Variants in SH3GL2 observed in about 807,000 individuals in gnomAD.
SH3GL2 encodes SH3 domain containing GRB2 like 2, endophilin A1.
A neutral mutation model predicts 46.0 loss-of-function variants in SH3GL2; 24 were observed. The observed-to-expected ratio is 0.52, with a 90% CI of 0.38 to 0.73. The LOEUF (loss-of-function observed/expected upper bound fraction) is 0.73. SH3GL2 is among the 30% of genes least tolerant of loss of function. SH3GL2 has a pLI of 0.00. For synonymous variants in SH3GL2, 196 were observed against 147.1 expected (o/e 1.33, Z -2.40); for missense variants, 413 against 424.2 (o/e 0.97, Z 0.23).
chr9:17,708,860 G>A (rs933387337), intron 1 of SH3GL2, among the ~76,000 whole-genome samples: 14 of 151,914 alleles, frequency 9.2e-5, no homozygotes, highest in Admixed American at 2.0e-4. Flanking sequence ...TGTTACCATC[G>A]ATCTTAGATT....
chr9:17,745,796 T>G lies in SH3GL2; in HGVS notation c.46-1270T>G, dbSNP rs369445484. On this transcript the variant is annotated intron_variant, in intron 1 of 8. Transcript: ENST00000380607. ...AGGTTGTTGCTGAGCTTACTGTGGGTTGGTCATGGTAGGAATCTTCTTAAA... is the reference window on the plus strand; with the variant it reads ...AGGTTGTTGCTGAGCTTACTGTGGGGTGGTCATGGTAGGAATCTTCTTAAA... Among the ~76,000 whole-genome samples, 23 of 152,238 alleles carry G rather than the reference T, an allele frequency of 1.5e-4. No homozygotes were observed. The East Asian group carries it at 2.5e-3, about 17-fold the overall frequency.
At chr9:17,724,693 G>A (rs1159674688) in intron 1 of SH3GL2, among the ~76,000 whole-genome samples, 3 of 152,016 alleles carry the variant, frequency 2.0e-5, no homozygotes, top group East Asian at 1.9e-4. Flanking sequence ...CCTCTTCTAG[G>A]GAAAGTTTCT....
At chr9:17,656,470 C>T (rs1040854786) in intron 1 of SH3GL2, among the ~76,000 whole-genome samples, 3 of 151,726 alleles carry the variant, frequency 2.0e-5, no homozygotes, top group East Asian at 3.9e-4. Flanking sequence ...TTGCAAGTAA[C>T]GTAGATAATC....
At chr9:17,702,072 T>C (rs1257027613) in intron 1 of SH3GL2, among the ~76,000 whole-genome samples, 1 of 152,098 alleles carries the variant, frequency 6.6e-6, no homozygotes, top group Non-Finnish European at 1.5e-5. Context: ...CATAGTGTAT[T>C]ACTAGTTCAT....
chr9:17,612,368 C>A (rs900453476), intron 1 of SH3GL2, among the ~76,000 whole-genome samples: 2 of 152,118 alleles, frequency 1.3e-5, no homozygotes, highest in Admixed American at 1.3e-4. Context: ...CTGACACAAC[C>A]CTCTTAACCT....
chr9:17,674,379 G>C (rs1332481224), intron 1 of SH3GL2, among the ~76,000 whole-genome samples: 1 of 152,016 alleles, frequency 6.6e-6, no homozygotes, highest in Non-Finnish European at 1.5e-5. Context: ...CGATTCTTTT[G>C]CCTGAACCTC....
At chr9:17,663,689 T>C (rs564902482) in intron 1 of SH3GL2, among the ~76,000 whole-genome samples, 30 of 152,336 alleles carry the variant, frequency 2.0e-4, no homozygotes, top group African/African-American at 7.2e-4. Context: ...ATAAATTTAC[T>C]GAGGAACAAT....
chr9:17,659,929 G>T (rs1418352244), intron 1 of SH3GL2, among the ~76,000 whole-genome samples: 1 of 152,138 alleles, frequency 6.6e-6, no homozygotes, highest in Non-Finnish European at 1.5e-5. Context: ...TAATATCTGA[G>T]ATTACTTTCC....
At chr9:17,708,757 T>G (rs1432419081) in intron 1 of SH3GL2, among the ~76,000 whole-genome samples, 1 of 151,910 alleles carries the variant, frequency 6.6e-6, no homozygotes, top group Non-Finnish European at 1.5e-5. Context: ...TAAAGGCTGT[T>G]TGCATGGCCC....
Position 17,638,314 on chromosome 9 carries a change from CA to C in SH3GL2, c.45+59028del, listed in dbSNP as rs546192893. Among the ~76,000 whole-genome samples, 598 of 152,152 alleles carry C rather than the reference CA, an allele frequency of 3.9e-3. 2 individuals carry two copies. Among genetic ancestry groups the C allele is most frequent in the South Asian group, 6.8e-3 (33 of 4,822 alleles). ...GACATTCATTTATGTATCTATTATC[CA>C]GATATTTATTGGGTTCCTGCTGTAT... On this transcript the variant is annotated intron_variant, in intron 1 of 8. Coordinates refer to ENST00000380607, the MANE Select transcript of SH3GL2 (RefSeq NM_003026.5).
At chr9:17,622,904 A>C (rs1173601633) in intron 1 of SH3GL2, among the ~76,000 whole-genome samples, 13 of 152,086 alleles carry the variant, frequency 8.5e-5, no homozygotes, top group Admixed American at 7.2e-4. Flanking sequence ...TGCTTGCTGT[A>C]ATATGGCAGA....
intron 2 of SH3GL2, among the ~76,000 whole-genome samples, chr9:17,758,315 C>T (rs528069249): frequency 7.2e-5 from 11 of 152,182 alleles, no homozygotes; most frequent in African/African-American, 2.6e-4. Flanking sequence ...AATCCCAGCA[C>T]TTTGGAAGGC....
intron 1 of SH3GL2, among the ~76,000 whole-genome samples, chr9:17,610,125 T>C (rs1563780016): frequency 6.6e-6 from 1 of 152,230 alleles, no homozygotes; most frequent in Non-Finnish European, 1.5e-5. Flanking sequence ...TTATTCTAGC[T>C]GTGCAACTGT....
At chr9:17,725,992 C>A (rs1161867958) in intron 1 of SH3GL2, among the ~76,000 whole-genome samples, 1 of 152,066 alleles carries the variant, frequency 6.6e-6, no homozygotes, top group Admixed American at 6.6e-5. Flanking sequence ...GGTATGGGAG[C>A]AAGTCATTGC....
chr9:17,689,213 A>G (rs1239190384), intron 1 of SH3GL2, among the ~76,000 whole-genome samples: 1 of 152,084 alleles, frequency 6.6e-6, no homozygotes, highest in African/African-American at 2.4e-5. Flanking sequence ...ATCCTATAAT[A>G]TACCTGATCA....
At chr9:17,585,466 G>T (rs1202253544) in intron 1 of SH3GL2, among the ~76,000 whole-genome samples, 2 of 152,102 alleles carry the variant, frequency 1.3e-5, no homozygotes, top group Non-Finnish European at 2.9e-5. Context: ...GTGAGGTGTA[G>T]CCACAAGAGG....
chr9:17,672,003 T>C (rs1820487007), intron 1 of SH3GL2, among the ~76,000 whole-genome samples: 1 of 152,174 alleles, frequency 6.6e-6, no homozygotes, highest in Non-Finnish European at 1.5e-5. Flanking sequence ...CAGAGTAGAA[T>C]CAACTAGCAG....
intron 1 of SH3GL2, among the ~76,000 whole-genome samples, chr9:17,619,684 AAAAT>A (rs1390999909): frequency 6.6e-6 from 1 of 150,954 alleles, no homozygotes; most frequent in African/African-American, 2.5e-5. Flanking sequence ...TCTCAAAAAA[AAAAT>A]AAAATAAAAT....
chr9:17,630,456 A>G (rs906102646), intron 1 of SH3GL2: 1 of 152,226 alleles, frequency 6.6e-6, no homozygotes, highest in Non-Finnish European at 1.5e-5. Context: ...TGTGTTACAC[A>G]CAAACACACA....
Sources: allele counts gnomAD v4.1 joint callset (sites outside exome capture counted in the v4.1 genomes callset), GRCh38; gene constraint gnomAD v4.1.1; transcripts MANE v1.5; gene names NCBI Gene and HGNC (gene_info 2026-07-23, HGNC 2026-07-21).